Variants in ACTR1B observed in about 807,000 individuals in gnomAD.
ACTR1B encodes beta-centractin.
A neutral mutation model predicts 49.4 loss-of-function variants in ACTR1B; 34 were observed. The observed-to-expected ratio is 0.69, with a 90% CI of 0.52 to 0.92. The LOEUF is 0.92. Ranked by LOEUF, ACTR1B falls within the 40% of genes least tolerant of loss-of-function variation. The probability of loss-of-function intolerance (pLI) is 0.00; values close to 1 mark genes in which losing one functional copy is unlikely to be tolerated. For synonymous variants in ACTR1B, 207 were observed against 207.8 expected (o/e 1.00, Z 0.03); for missense variants, 471 against 522.4 (o/e 0.90, Z 0.96).
chr2:97,660,288 CGT>C (rs1674978052), intron 3 of ACTR1B, among the ~76,000 whole-genome samples: 1 of 152,244 alleles, frequency 6.6e-6, no homozygotes, highest in Admixed American at 6.5e-5. Flanking sequence ...TTAGAGCAGA[CGT>C]GAAGTGTGTG....
chr2:97,664,011 G>C lies in ACTR1B; in HGVS notation c.-121C>G, dbSNP rs1675113765. 1 of 501,206 alleles carries C rather than the reference G, an allele frequency of 2.0e-6. No homozygotes were observed. The highest frequency in any genetic ancestry group is 3.0e-6 in the Non-Finnish European group (1 of 334,720). The allele number at this position is 501,206 out of a possible 1,614,324, so 31.0% of individuals were successfully genotyped here. A position where few individuals can be genotyped will look rare whatever the true frequency, so the allele number is the denominator to read the frequency against. ...CGGCGCCGCTGCCCTCCCTCCCCGA[G>C]CCTGCAGCCTACGCGAGCCCCGCGG... On this transcript the variant is annotated 5_prime_UTR_variant, in exon 1 of 11. Coordinates refer to ENST00000289228, the MANE Select transcript of ACTR1B (RefSeq NM_005735.4).
Position 97,657,198 on chromosome 2 carries a change from A to ATG in ACTR1B, c.988-7_988-6insCA, listed in dbSNP as rs747325498. ...CGTTCCTGCGGGGCTGAGATCTAGA[A>ATG]GGAGGAAGTGGCCACGTTAACTGTG... is the stretch of plus-strand genomic sequence containing the variant. On this transcript the variant is annotated splice_polypyrimidine_tract_variant and splice_region_variant and intron_variant, in intron 9 of 10. Transcript: ENST00000289228. The ATG allele has an allele frequency of 1.2e-6, 2 of 1,612,112 alleles. No individual in the cohort carries two copies. The highest frequency in any genetic ancestry group is 2.2e-5 in the South Asian group (2 of 90,940).
rs771783716 is a variant in ACTR1B, at chr2:97,659,390, C to T, written c.277G>A (p.Val93Ile). ...GTCTGCAGCTGATCCTTGGAGTAGA[C>T]GTACTGCCAGATGCGTTCCATGTCG... ...WNDMERIWQY[V>I]YSKDQLQTFS... The change falls in exon 4 of 11, where the codon GTC becomes ATC. Residue 93 changes from valine to isoleucine, a missense_variant. Physicochemically the swap from Val to Ile is conservative, Grantham distance 29 (BLOSUM62 3). Transcript: ENST00000289228. The surrounding 1 kb of genome is among the most constrained non-coding windows in gnomAD (Gnocchi z 4.0). 54 of 1,613,894 alleles carry T rather than the reference C, an allele frequency of 3.3e-5. No individual in the cohort carries two copies. Among genetic ancestry groups the T allele is most frequent in the East Asian group, 6.7e-5 (3 of 44,888 alleles).
In ACTR1B at chr2:97,659,284, G is replaced by A. The variant is rs1674947353; in HGVS notation, c.315+68C>T. On this transcript the variant is annotated intron_variant, in intron 4 of 10. Transcript: ENST00000289228. This position sits in a 1 kb window ranked among gnomAD's most constrained non-coding sequence, Gnocchi z 4.0. ...GAAGGGAAATGTGGGAGCCCGGCGA[G>A]GAGGGACGCAGAGGAGAGGGGCATG... is the stretch of plus-strand genomic sequence containing the variant. The A allele has an allele frequency of 1.9e-6, 3 of 1,604,778 alleles. No homozygotes were observed. Among genetic ancestry groups the A allele is most frequent in the Non-Finnish European group, 1.7e-6 (2 of 1,175,320 alleles).
At chr2:97,663,571 G>A (rs1341078875) in intron 1 of ACTR1B, among the ~76,000 whole-genome samples, 1 of 151,844 alleles carries the variant, frequency 6.6e-6, no homozygotes, top group Non-Finnish European at 1.5e-5. Flanking sequence ...CCGGCCGCCC[G>A]GCTGTCACTC....
Position 97,663,967 on chromosome 2 carries a change from A to G in ACTR1B, c.-77T>C. 1 of 883,954 alleles carries G rather than the reference A, an allele frequency of 1.1e-6. No homozygotes were observed. The allele number at this position is 883,954 out of a possible 1,614,324, so 54.8% of individuals were successfully genotyped here. A position where few individuals can be genotyped will look rare whatever the true frequency, so the allele number is the denominator to read the frequency against. Reference sequence around the variant, plus strand: ...TGGGCGGGCGGGCGGGAGGACCGGGACGGCGGCGGCTCCCGACGCGGCGCC... The same window carrying G: ...TGGGCGGGCGGGCGGGAGGACCGGGGCGGCGGCGGCTCCCGACGCGGCGCC... On this transcript the variant is annotated 5_prime_UTR_variant, in exon 1 of 11. Transcript: ENST00000289228.
chr2:97,663,487 CG>C (rs1471025016), intron 1 of ACTR1B, among the ~76,000 whole-genome samples: 1 of 152,138 alleles, frequency 6.6e-6, no homozygotes, highest in Non-Finnish European at 1.5e-5. Context: ...CCGAAGGACG[CG>C]GAAAGGAACT....
chr2:97,660,647 C>A lies in ACTR1B; in HGVS notation c.114-1G>T. On this transcript the variant is annotated splice_acceptor_variant, in intron 2 of 10. Transcript: ENST00000289228. LOFTEE classifies it high-confidence loss of function. ...CCGCATGTGCTTCGGCCGCCCGACACTGTTAGGACGGATAACGTCAGCAAG... is the reference window on the plus strand; with the variant it reads ...CCGCATGTGCTTCGGCCGCCCGACAATGTTAGGACGGATAACGTCAGCAAG... 1.9e-6 allele frequency: 3 copies of A among 1,614,044 alleles called. No individual in the cohort carries two copies. Among genetic ancestry groups the A allele is most frequent in the Non-Finnish European group, 2.5e-6 (3 of 1,179,948 alleles).
In ACTR1B at chr2:97,656,624, G is replaced by A. The variant is rs1256802043; in HGVS notation, c.*234C>T. The stretch of plus-strand genomic sequence containing the variant: ...GATACCCACAACAGCCTGACATGGC[G>A]CTCAATTCCCACACGCCAGCTCAAG... On this transcript the variant is annotated 3_prime_UTR_variant, in exon 11 of 11. Transcript: ENST00000289228. The A allele has an allele frequency of 2.3e-5, 12 of 511,686 alleles. No homozygotes were observed. Among genetic ancestry groups the A allele is most frequent in the South Asian group, 1.2e-4 (5 of 42,258 alleles). The allele number at this position is 511,686 out of a possible 1,614,324, so 31.7% of individuals were successfully genotyped here.
At position 97,656,038 on chromosome 2, in the gene ACTR1B, A is replaced by G. The variant is rs1250540579; in HGVS notation, c.*820T>C. The G allele has an allele frequency of 2.6e-5, 4 of 152,238 alleles. No individual in the cohort carries two copies. Among genetic ancestry groups the G allele is most frequent in the Admixed American group, 2.0e-4 (3 of 15,286 alleles). 9.4% of individuals were successfully genotyped at this position (152,238 alleles called of 1,614,324 possible). The stretch of plus-strand genomic sequence containing the variant: ...AGGCAACCGTGTTAAATTATTGTAC[A>G]TATCTGAGAGAGGGAGGTGGGGCCC... On this transcript the variant is annotated 3_prime_UTR_variant, in exon 11 of 11. Transcript: ENST00000289228.
At chr2:97,662,467 C>T (rs1675044587) in intron 1 of ACTR1B, among the ~76,000 whole-genome samples, 1 of 150,792 alleles carries the variant, frequency 6.6e-6, no homozygotes, top group Non-Finnish European at 1.5e-5. Flanking sequence ...GGAACATGGA[C>T]GACCTACAGG....
chr2:97,658,718 G>C lies in ACTR1B; in HGVS notation c.441-75C>G. On this transcript the variant is annotated intron_variant, in intron 5 of 10. Coordinates refer to ENST00000289228, the MANE Select transcript of ACTR1B (RefSeq NM_005735.4). This position sits in a 1 kb window ranked among gnomAD's most constrained non-coding sequence, Gnocchi z 5.9. ...CTCCTCACCCAGGGGAGGAACCCTG[G>C]CACATCTGCATTATCTAGTCTGAAG... The C allele has an allele frequency of 6.3e-7, 1 of 1,585,292 alleles. No individual in the cohort carries two copies. Among genetic ancestry groups the C allele is most frequent in the East Asian group, 2.2e-5 (1 of 44,658 alleles).
At chr2:97,657,361 G>A (rs1324543403) in intron 9 of ACTR1B, 87 bp downstream of exon 9, 2 of 1,516,548 alleles carry the variant, frequency 1.3e-6, no homozygotes, top group Admixed American at 3.3e-5. Flanking sequence ...GAGCTGGTGA[G>A]CGGGTCTGGG....
chr2:97,661,893 A>C lies in ACTR1B; in HGVS notation c.102T>G (p.Cys34Trp). The C allele has an allele frequency of 6.3e-7, 1 of 1,594,810 alleles. No homozygotes were observed. The highest frequency in any genetic ancestry group is 8.6e-7 in the Non-Finnish European group (1 of 1,169,082). Residue 34 changes from cysteine to tryptophan, a missense_variant, in exon 2 of 11, where the codon TGT (cysteine) becomes TGG (tryptophan). Physicochemically the swap from Cys to Trp is radical, Grantham distance 215. Coordinates refer to ENST00000289228, the MANE Select transcript of ACTR1B (RefSeq NM_005735.4). ...TGAGCCACACTTACTAGTTTGGGAAACAGTATTTGGGAATCTGGTCTCCTG... is the reference window on the plus strand; with the variant it reads ...TGAGCCACACTTACTAGTTTGGGAACCAGTATTTGGGAATCTGGTCTCCTG... ...GFAGDQIPKY[C>W]FPNYVGRPKH...
intron 2 of ACTR1B, among the ~76,000 whole-genome samples, chr2:97,661,203 C>T (rs545831989): frequency 5.3e-5 from 8 of 152,380 alleles, no homozygotes; most frequent in Admixed American, 2.6e-4. Flanking sequence ...TGCTGAAGCT[C>T]GACAGGGCGC....
At position 97,658,254 on chromosome 2, in the gene ACTR1B, C is replaced by T; in HGVS notation, c.720G>A (p.Gln240=). 3 of 1,614,230 alleles carry T rather than the reference C, an allele frequency of 1.9e-6. No individual in the cohort carries two copies. ...GCGTGCTGCCGTCTGGCAACGTGTA[C>T]TGCACCTTCTCCGTCTCCAGAGCCT... The part of the protein sequence containing the change: ...KDEALETEKV[Q]YTLPDGSTLD... The change falls in exon 7 of 11, where the codon CAG becomes CAA. Residue 240 remains glutamine, a synonymous_variant. Coordinates refer to ENST00000289228, the MANE Select transcript of ACTR1B (RefSeq NM_005735.4). This position sits in a 1 kb window ranked among gnomAD's most constrained non-coding sequence, Gnocchi z 5.9.
At chr2:97,662,818 AAAGG>A (rs772725484) in intron 1 of ACTR1B, among the ~76,000 whole-genome samples, 13 of 152,208 alleles carry the variant, frequency 8.5e-5, no homozygotes, top group Non-Finnish European at 1.9e-4. Context: ...GCACGTCAAG[AAAGG>A]AAGTAGCCTG....
Position 97,661,939 on chromosome 2 carries a change from C to T in ACTR1B, c.56G>A (p.Gly19Glu). The T allele has an allele frequency of 6.3e-7, 1 of 1,591,636 alleles. No homozygotes were observed. The highest frequency in any genetic ancestry group is 8.6e-7 in the Non-Finnish European group (1 of 1,167,128). Residue 19 changes from glycine (G) to glutamate (E), a missense_variant, in exon 2 of 11, where the codon GGG (glycine) becomes GAG (glutamate). Coordinates refer to ENST00000289228, the MANE Select transcript of ACTR1B (RefSeq NM_005735.4). ...NQPVVIDNGSGVIKAGFAGDQ... is the reference protein window; with the variant it reads ...NQPVVIDNGSEVIKAGFAGDQ... ...TCCTGCAAAGCCAGCTTTAATCACC[C>T]CCGAACCCTGCAAGGAAAAACAAAG... is the stretch of plus-strand genomic sequence containing the variant.
Position 97,658,260 on chromosome 2 carries a change from C to G in ACTR1B, c.714G>C (p.Lys238Asn). 6.2e-7 allele frequency: 1 copy of G among 1,614,190 alleles called. No homozygotes were observed. Among genetic ancestry groups the G allele is most frequent in the South Asian group, 1.1e-5 (1 of 91,088 alleles). ...PQKDEALETE[K>N]VQYTLPDGST... ...TGCCGTCTGGCAACGTGTACTGCAC[C>G]TTCTCCGTCTCCAGAGCCTCATCCT... Residue 238 changes from lysine (K) to asparagine (N), a missense_variant, in exon 7 of 11, where the codon AAG (lysine) becomes AAC (asparagine). Lys to Asn is a moderately conservative substitution (Grantham distance 94). Coordinates refer to ENST00000289228, the MANE Select transcript of ACTR1B (RefSeq NM_005735.4). The surrounding 1 kb of genome is among the most constrained non-coding windows in gnomAD (Gnocchi z 5.9).
Sources: gnomAD v4.1 joint callset for allele counts (sites outside exome capture counted in the v4.1 genomes callset) on GRCh38, gnomAD v4.1.1 for gene constraint, Gnocchi (gnomAD v3.1) non-coding constraint, MANE v1.5 for transcripts, NCBI Gene and HGNC (gene_info 2026-07-23, HGNC 2026-07-21) for gene names.